The following KIRREL3 variants were observed in gnomAD, a reference collection of about 807,000 sequenced individuals.
KIRREL3 encodes kin of IRRE-like protein 3.
A neutral mutation model predicts 89.7 loss-of-function variants in KIRREL3; 36 were observed. The observed-to-expected ratio is 0.40, with a 90% CI of 0.31 to 0.53. The LOEUF (loss-of-function observed/expected upper bound fraction) is 0.53. KIRREL3 is among the 20% of genes least tolerant of loss of function. The pLI, the probability that KIRREL3 is intolerant of heterozygous loss-of-function variation, is 0.49. For synonymous variants in KIRREL3, 445 were observed against 441.4 expected (o/e 1.01, Z -0.10); for missense variants, 864 against 1,056.6 (o/e 0.82, Z 2.53).
Position 126,555,826 on chromosome 11 carries a change from C to T in KIRREL3, c.133+7009G>A, listed in dbSNP as rs560564101. On this transcript the variant is annotated intron_variant, in intron 2 of 16. Coordinates refer to ENST00000525144, the MANE Select transcript of KIRREL3 (RefSeq NM_032531.4). This position sits in a 1 kb window ranked among gnomAD's most constrained non-coding sequence, Gnocchi z 4.2. ...CACGATCTCGGCTCACTGCAACCTC[C>T]GCCTCCCAGGTTCAAGTGACTCTCC... 6.1e-4 allele frequency among the ~76,000 whole-genome samples: 93 copies of T among 151,944 alleles called. No individual in the cohort carries two copies. The highest frequency in any genetic ancestry group is 2.2e-3 in the African/African-American group (91 of 41,446).
At position 126,990,541 on chromosome 11, in the gene KIRREL3, C is replaced by A. The variant is rs926427287; in HGVS notation, c.55+9914G>T. ...CTGGGCAGGTTCAGGGCTTTGCAAGCGCTGCTGCTGCCACCATCAGGCTGA... is the reference window on the plus strand; with the variant it reads ...CTGGGCAGGTTCAGGGCTTTGCAAGAGCTGCTGCTGCCACCATCAGGCTGA... On this transcript the variant is annotated intron_variant, in intron 1 of 16. Transcript: ENST00000525144. The surrounding 1 kb of genome is among the most constrained non-coding windows in gnomAD (Gnocchi z 6.3). Among the ~76,000 whole-genome samples, 1 of 152,214 alleles carries A rather than the reference C, an allele frequency of 6.6e-6. No individual in the cohort carries two copies. Among genetic ancestry groups the A allele is most frequent in the African/African-American group, 2.4e-5 (1 of 41,456 alleles).
Position 126,443,419 on chromosome 11 carries a change from C to A in KIRREL3, c.1252+1560G>T, listed in dbSNP as rs1302913480. Among the ~76,000 whole-genome samples, 1 of 152,184 alleles carries A rather than the reference C, an allele frequency of 6.6e-6. No homozygotes were observed. Among genetic ancestry groups the A allele is most frequent in the African/African-American group, 2.4e-5 (1 of 41,450 alleles). On this transcript the variant is annotated intron_variant, in intron 10 of 16. Coordinates refer to ENST00000525144, the MANE Select transcript of KIRREL3 (RefSeq NM_032531.4). This position sits in a 1 kb window ranked among gnomAD's most constrained non-coding sequence, Gnocchi z 7.3. The stretch of plus-strand genomic sequence containing the variant: ...GGATATACGGAGGCGCGATCAGATG[C>A]TGTTATTTTTAGCCCTGCAGTGCCA...
rs149672917 is a variant in KIRREL3, at chr11:126,785,138, G to A, written c.55+215317C>T. On this transcript the variant is annotated intron_variant, in intron 1 of 16. Coordinates refer to ENST00000525144, the MANE Select transcript of KIRREL3 (RefSeq NM_032531.4). The stretch of plus-strand genomic sequence containing the variant: ...TGAATCCTCGTGGGGGCAAGGGAAT[G>A]TGGCTGGTGCGGGCCGGGAGAGTGA... Among the ~76,000 whole-genome samples the A allele has an allele frequency of 3.2e-3, 482 of 152,300 alleles. 1 individual carries two copies. Among genetic ancestry groups the A allele is most frequent in the African/African-American group, 0.01 (418 of 41,568 alleles).
chr11:126,810,848 A>G (rs1951360562), intron 1 of KIRREL3, among the ~76,000 whole-genome samples: 1 of 152,216 alleles, frequency 6.6e-6, no homozygotes, highest in Admixed American at 6.5e-5. Context: ...CTGTGGTTGC[A>G]GTTCTGACTG....
rs926223071 is a variant in KIRREL3, at chr11:126,898,379, C to T, written c.55+102076G>A. Among the ~76,000 whole-genome samples, 3 of 152,120 alleles carry T rather than the reference C, an allele frequency of 2.0e-5. No individual in the cohort carries two copies. Among genetic ancestry groups the T allele is most frequent in the African/African-American group, 7.2e-5 (3 of 41,408 alleles). ...GCAGTACTTAATGAAATTGTGCATG[C>T]ATATATCCTAAGGCACATAAGTAAG... On this transcript the variant is annotated intron_variant, in intron 1 of 16. Transcript: ENST00000525144. The surrounding 1 kb of genome is among the most constrained non-coding windows in gnomAD (Gnocchi z 4.9).
intron 1 of KIRREL3, among the ~76,000 whole-genome samples, chr11:126,679,222 C>G (rs756781742): frequency 9.2e-5 from 14 of 152,220 alleles, no homozygotes; most frequent in Admixed American, 7.2e-4. Context: ...AGCCTAGGTT[C>G]ATGATTACAT....
At chr11:126,478,606 CAT>C (rs1456341982) in intron 4 of KIRREL3, among the ~76,000 whole-genome samples, 4 of 143,152 alleles carry the variant, frequency 2.8e-5, no homozygotes, top group African/African-American at 1.1e-4. Flanking sequence ...TATGTATATG[CAT>C]GTATATGTGT....
Position 126,655,160 on chromosome 11 carries a change from G to A in KIRREL3, c.56-92248C>T, listed in dbSNP as rs1945079582. Among the ~76,000 whole-genome samples, 4 of 152,376 alleles carry A rather than the reference G, an allele frequency of 2.6e-5. No homozygotes were observed. Among genetic ancestry groups the A allele is most frequent in the Admixed American group, 2.0e-4 (3 of 15,304 alleles). Reference sequence around the variant, plus strand: ...GAAGATTTGTGAGATGGAGAAGAAAGTGCAGGGTTGGGGTACGGGGAAAGG... The same window carrying A: ...GAAGATTTGTGAGATGGAGAAGAAAATGCAGGGTTGGGGTACGGGGAAAGG... On this transcript the variant is annotated intron_variant, in intron 1 of 16. Transcript: ENST00000525144. This position sits in a 1 kb window ranked among gnomAD's most constrained non-coding sequence, Gnocchi z 5.0.
intron 5 of KIRREL3, among the ~76,000 whole-genome samples, chr11:126,464,603 G>A (rs547869809): frequency 9.2e-5 from 14 of 152,008 alleles, no homozygotes; most frequent in Admixed American, 9.2e-4. Context: ...AAGAGGAGGA[G>A]GAGGAGAAGA....
intron 1 of KIRREL3, among the ~76,000 whole-genome samples, chr11:126,632,843 G>A (rs1944101038): frequency 1.0e-5 from 1 of 99,430 alleles, no homozygotes; most frequent in African/African-American, 3.6e-5. Flanking sequence ...TGTAATCCCA[G>A]CACTTTGGCA....
rs1475049123 is a variant in KIRREL3 at position 126,441,336 on chromosome 11, A to G, written c.1253-787T>C. 6.6e-6 allele frequency among the ~76,000 whole-genome samples: 1 copy of G among 152,234 alleles called. No homozygotes were observed. The highest frequency in any genetic ancestry group is 1.5e-5 in the Non-Finnish European group (1 of 68,024). ...TCTCATTCACCACATTGCACAGCCA[A>G]GAGAGTTCACCTGGTGGAGGGGAGC... is the stretch of plus-strand genomic sequence containing the variant. On this transcript the variant is annotated intron_variant, in intron 10 of 16. Transcript: ENST00000525144. This position sits in a 1 kb window ranked among gnomAD's most constrained non-coding sequence, Gnocchi z 5.0.
chr11:126,864,029 G>A (rs755290052), intron 1 of KIRREL3, among the ~76,000 whole-genome samples: 30 of 152,316 alleles, frequency 2.0e-4, no homozygotes, highest in Non-Finnish European at 4.1e-4. Flanking sequence ...GTGGGTACTA[G>A]TTTCCTCCGC....
Position 126,948,206 on chromosome 11 carries a change from C to T in KIRREL3, c.55+52249G>A, listed in dbSNP as rs1017569810. Among the ~76,000 whole-genome samples, 6 of 152,064 alleles carry T rather than the reference C, an allele frequency of 3.9e-5. No homozygotes were observed. The highest frequency in any genetic ancestry group is 1.3e-4 in the Admixed American group (2 of 15,270). On this transcript the variant is annotated intron_variant, in intron 1 of 16. Coordinates refer to ENST00000525144, the MANE Select transcript of KIRREL3 (RefSeq NM_032531.4). The surrounding 1 kb of genome is among the most constrained non-coding windows in gnomAD (Gnocchi z 4.5). ...AATACCTACCACGCTTGATGTCTTT[C>T]TCCTTTGATTTAATAAGAAACCAAT...
Position 126,710,720 on chromosome 11 carries a change from T to A in KIRREL3, c.56-147808A>T, listed in dbSNP as rs1483919019. ...CTCACTTATAATTAAGTGTCTCAAA[T>A]AAAGTTTTGTTTTAGGCTAAATAAG... On this transcript the variant is annotated intron_variant, in intron 1 of 16. Transcript: ENST00000525144. The surrounding 1 kb of genome is among the most constrained non-coding windows in gnomAD (Gnocchi z 4.2). 6.6e-6 allele frequency among the ~76,000 whole-genome samples: 1 copy of A among 152,100 alleles called. No homozygotes were observed. The highest frequency in any genetic ancestry group is 1.5e-5 in the Non-Finnish European group (1 of 68,004).
Position 126,523,796 on chromosome 11 carries a change from G to A in KIRREL3, c.284-2332C>T, listed in dbSNP as rs540114426. On this transcript the variant is annotated intron_variant, in intron 3 of 16. Transcript: ENST00000525144. The surrounding 1 kb of genome is among the most constrained non-coding windows in gnomAD (Gnocchi z 4.9). ...TCTGGATCCCACTATCCTGTGATTAGTCCCTGGTCTCCTGCAGGCATCTTG... is the reference window on the plus strand; with the variant it reads ...TCTGGATCCCACTATCCTGTGATTAATCCCTGGTCTCCTGCAGGCATCTTG... Among the ~76,000 whole-genome samples, 37 of 152,282 alleles carry A rather than the reference G, an allele frequency of 2.4e-4. No homozygotes were observed. The highest frequency in any genetic ancestry group is 2.4e-3 in the Admixed American group (37 of 15,294).
intron 1 of KIRREL3, among the ~76,000 whole-genome samples, chr11:126,688,986 T>C (rs1368307590): frequency 3.3e-5 from 5 of 150,580 alleles, no homozygotes; most frequent in Non-Finnish European, 1.5e-5. Flanking sequence ...TTGTCTTTGT[T>C]TGGCTGACCA....
chr11:126,844,607 G>A lies in KIRREL3; in HGVS notation c.55+155848C>T, dbSNP rs556812708. Among the ~76,000 whole-genome samples, 1 of 152,284 alleles carries A rather than the reference G, an allele frequency of 6.6e-6. No individual in the cohort carries two copies. Among genetic ancestry groups the A allele is most frequent in the South Asian group, 2.1e-4 (1 of 4,822 alleles). ...GGCAAGGACACTTGACCGAACTTGA[G>A]TTTGAGGCCCAACTTAGGAAGGTTA... On this transcript the variant is annotated intron_variant, in intron 1 of 16. Transcript: ENST00000525144. This position sits in a 1 kb window ranked among gnomAD's most constrained non-coding sequence, Gnocchi z 4.8.
rs1958303326 is a variant in KIRREL3 at position 126,513,693 on chromosome 11, C to T, written c.433+7622G>A. Reference sequence around the variant, plus strand: ...CAGAGGCCATGCCTGCCCATGGTAACATGCAGATTATGGGGGCAGGGAGAT... The same window carrying T: ...CAGAGGCCATGCCTGCCCATGGTAATATGCAGATTATGGGGGCAGGGAGAT... On this transcript the variant is annotated intron_variant, in intron 4 of 16. Coordinates refer to ENST00000525144, the MANE Select transcript of KIRREL3 (RefSeq NM_032531.4). The surrounding 1 kb of genome is among the most constrained non-coding windows in gnomAD (Gnocchi z 5.9). 6.6e-6 allele frequency among the ~76,000 whole-genome samples: 1 copy of T among 152,132 alleles called. No individual in the cohort carries two copies. Among genetic ancestry groups the T allele is most frequent in the African/African-American group, 2.4e-5 (1 of 41,418 alleles).
intron 1 of KIRREL3, among the ~76,000 whole-genome samples, chr11:126,718,089 C>T (rs1027458467): frequency 1.8e-4 from 27 of 152,310 alleles, no homozygotes; most frequent in African/African-American, 6.3e-4. Context: ...TGATCTCCTA[C>T]CTGGGCAAGG....
Sources: allele counts gnomAD v4.1 joint callset (sites outside exome capture counted in the v4.1 genomes callset), GRCh38; gene constraint gnomAD v4.1.1; non-coding constraint Gnocchi (gnomAD v3.1); transcripts MANE v1.5; gene names NCBI Gene and HGNC (gene_info 2026-07-23, HGNC 2026-07-21).